The following NRXN3 variants were observed in gnomAD, a reference collection of about 807,000 sequenced individuals.
NRXN3 encodes the protein neurexin III.
NRXN3 carries 32 observed loss-of-function variants against 137.6 expected under a neutral mutation model. That is an observed-to-expected ratio of 0.23 (90% CI 0.18 to 0.31). NRXN3 has a LOEUF of 0.31. Among genes scored for constraint, NRXN3 ranks in the 10% least tolerant of loss-of-function variants. The pLI is 1.00. For missense variants in NRXN3, 1,574 were observed against 2,062.5 expected, an observed-to-expected ratio of 0.76 and a Z score of 4.59; for synonymous variants, 798 against 784.5, an observed-to-expected ratio of 1.02 and a Z score of -0.29.
chr14:79,699,975 A>C (rs1229823459), intron 19 of NRXN3, among the ~76,000 whole-genome samples: 1 of 152,036 alleles, frequency 6.6e-6, no homozygotes, highest in African/African-American at 2.4e-5. Flanking sequence ...TTGGAAGACT[A>C]ACTAGAGGAA....
intron 8 of NRXN3, among the ~76,000 whole-genome samples, chr14:78,747,742 A>G (rs1559537): frequency 0.49 from 73,871 of 151,952 alleles, 21,836 homozygotes; most frequent in Admixed American, 0.66. Flanking sequence ...AAAATCTCCT[A>G]AAACACTCTT....
intron 15 of NRXN3, among the ~76,000 whole-genome samples, chr14:79,011,590 CTG>C (rs1323267007): frequency 6.6e-6 from 1 of 151,904 alleles, no homozygotes; most frequent in African/African-American, 2.4e-5. Flanking sequence ...TTGCAATAAA[CTG>C]TATTCACTTA....
chr14:79,059,320 C>T (rs1330126934), intron 15 of NRXN3, among the ~76,000 whole-genome samples: 1 of 143,868 alleles, frequency 7.0e-6, no homozygotes, highest in Non-Finnish European at 1.5e-5. Context: ...TACAGTGGCA[C>T]CATCTCGGCT....
intron 15 of NRXN3, among the ~76,000 whole-genome samples, chr14:79,401,850 GA>G (rs201841768): frequency 0.049 from 6,331 of 130,276 alleles, 234 homozygotes; most frequent in East Asian, 0.18. Flanking sequence ...TCCTGGTAAT[GA>G]AAAAAAAAAA....
intron 15 of NRXN3, among the ~76,000 whole-genome samples, chr14:79,145,168 A>G (rs1427061423): frequency 6.6e-6 from 1 of 152,120 alleles, no homozygotes; most frequent in Non-Finnish European, 1.5e-5. Flanking sequence ...AGTCATTGAG[A>G]TACATAAGGC....
chr14:78,637,502 C>A (rs1321787020), intron 4 of NRXN3, among the ~76,000 whole-genome samples: 2 of 152,230 alleles, frequency 1.3e-5, no homozygotes, highest in African/African-American at 4.8e-5. Flanking sequence ...TGGCTGGGAA[C>A]TGGGCCAAGA....
At chr14:79,565,267 G>A (rs76420801) in intron 16 of NRXN3, among the ~76,000 whole-genome samples, 45 of 10,120 alleles carry the variant, frequency 4.4e-3, no homozygotes, top group African/African-American at 0.03. Flanking sequence ...ATATACACAT[G>A]TGTGTGTGTA....
chr14:79,577,272 C>G (rs139738902), intron 16 of NRXN3, among the ~76,000 whole-genome samples: 1 of 152,126 alleles, frequency 6.6e-6, no homozygotes, highest in Non-Finnish European at 1.5e-5. Flanking sequence ...TGAGAACAGA[C>G]AAATACACTG....
chr14:79,448,173 T>C (rs1181416262), intron 15 of NRXN3, among the ~76,000 whole-genome samples: 2 of 152,170 alleles, frequency 1.3e-5, no homozygotes, highest in Non-Finnish European at 2.9e-5. Flanking sequence ...AAGCACCCTT[T>C]AACTTCCTTT....
At chr14:79,366,154 A>C (rs951024891) in intron 15 of NRXN3, among the ~76,000 whole-genome samples, 1 of 152,172 alleles carries the variant, frequency 6.6e-6, no homozygotes, top group Non-Finnish European at 1.5e-5. Context: ...TCATGTACTT[A>C]CTTTTTTAAA....
chr14:78,401,462 G>T (rs2092051808), intron 4 of NRXN3, among the ~76,000 whole-genome samples: 1 of 152,060 alleles, frequency 6.6e-6, no homozygotes, highest in South Asian at 2.1e-4. Context: ...ACCACGTCTG[G>T]CCCAAAGGCC....
chr14:78,803,621 G>A lies in NRXN3; in HGVS notation c.2046G>A (p.Glu682=). 1 of 1,613,890 alleles carries A rather than the reference G, an allele frequency of 6.2e-7. No homozygotes were observed. The highest frequency in any genetic ancestry group is 8.5e-7 in the Non-Finnish European group (1 of 1,179,784). The part of the protein sequence containing the change: ...TGYWGRTCER[E]ASILSYDGSM... ...ATCTTCTCCATTCTTCTTTGGCAGA[G>A]GCATCCATCCTGAGCTATGATGGTA... is the stretch of plus-strand genomic sequence containing the variant. The change falls in exon 9 of 21, where the codon GAG becomes GAA. Residue 682 remains glutamate (E), a splice_region_variant and synonymous_variant. Coordinates refer to ENST00000335750, the MANE Select transcript of NRXN3 (RefSeq NM_001330195.2).
chr14:78,666,518 G>T (rs1437110566), intron 6 of NRXN3, among the ~76,000 whole-genome samples: 1 of 152,154 alleles, frequency 6.6e-6, no homozygotes, highest in Non-Finnish European at 1.5e-5. Context: ...AATAGGTTTA[G>T]AACAGCTCAT....
chr14:79,141,080 A>G (rs1317817171), intron 15 of NRXN3, among the ~76,000 whole-genome samples: 2 of 152,226 alleles, frequency 1.3e-5, no homozygotes, highest in African/African-American at 4.8e-5. Flanking sequence ...AGTCTTACTT[A>G]TCAAATGGAA....
intron 15 of NRXN3, among the ~76,000 whole-genome samples, chr14:79,101,469 A>G (rs1258321628): frequency 6.6e-6 from 1 of 152,262 alleles, no homozygotes; most frequent in East Asian, 1.9e-4. Flanking sequence ...ATGGTTCTTC[A>G]GTCATGGTGG....
At chr14:78,334,403 A>G (rs910708725) in intron 4 of NRXN3, among the ~76,000 whole-genome samples, 1 of 152,156 alleles carries the variant, frequency 6.6e-6, no homozygotes, top group Non-Finnish European at 1.5e-5. Context: ...GCTTCTAGCC[A>G]TAGGTCCCTT....
intron 16 of NRXN3, among the ~76,000 whole-genome samples, chr14:79,474,832 G>T (rs2153629063): frequency 6.6e-6 from 1 of 152,192 alleles, no homozygotes; most frequent in African/African-American, 2.4e-5. Context: ...GAGAGGGAAA[G>T]AGGAGGAGGA....
At chr14:79,368,449 T>C (rs953561128) in intron 15 of NRXN3, among the ~76,000 whole-genome samples, 4 of 152,198 alleles carry the variant, frequency 2.6e-5, no homozygotes, top group Admixed American at 2.0e-4. Flanking sequence ...TAAAGAAAAC[T>C]TGTCTTCCTA....
At chr14:78,317,981 G>A (rs778238846) in intron 4 of NRXN3, among the ~76,000 whole-genome samples, 16 of 152,284 alleles carry the variant, frequency 1.1e-4, no homozygotes, top group Admixed American at 2.0e-4. Context: ...TGGGAATAGG[G>A]AAATGGATAT....
Sources: gnomAD v4.1 joint callset for allele counts (sites outside exome capture counted in the v4.1 genomes callset) on GRCh38, gnomAD v4.1.1 for gene constraint, MANE v1.5 for transcripts, NCBI Gene and HGNC (gene_info 2026-07-23, HGNC 2026-07-21) for gene names.